The following DGKH variants were observed in gnomAD, a reference collection of about 807,000 sequenced individuals.
The protein encoded by DGKH is diacylglycerol kinase eta, also known as DAG kinase eta.
A neutral mutation model predicts 159.3 loss-of-function variants in DGKH; 90 were observed. The ratio of observed to expected loss-of-function variants is 0.57; its 90% CI spans 0.48 to 0.67. The LOEUF (loss-of-function observed/expected upper bound fraction) is 0.67. Ranked by LOEUF, DGKH falls within the 30% of genes least tolerant of loss-of-function variation. The probability of loss-of-function intolerance (pLI) is 0.00; values close to 1 mark genes in which losing one functional copy is unlikely to be tolerated. For synonymous variants in DGKH, 536 were observed against 553.8 expected, an observed-to-expected ratio of 0.97 and a Z score of 0.45; for missense variants, 1,181 against 1,506.1, an observed-to-expected ratio of 0.78 and a Z score of 3.57.
intron 29 of DGKH, among the ~76,000 whole-genome samples, chr13:42,250,397 C>T (rs964486375): frequency 9.9e-5 from 15 of 152,220 alleles, no homozygotes; most frequent in Admixed American, 9.2e-4. Flanking sequence ...TTAACATGTC[C>T]ATCACCTCGA....
intron 1 of DGKH, among the ~76,000 whole-genome samples, chr13:42,054,575 G>T (rs1475670710): frequency 6.6e-6 from 1 of 152,188 alleles, no homozygotes; most frequent in African/African-American, 2.4e-5. Flanking sequence ...GAGAATGGAG[G>T]TTACTAAGAA....
chr13:42,112,826 C>T (rs1354225445), intron 1 of DGKH, among the ~76,000 whole-genome samples: 4 of 152,172 alleles, frequency 2.6e-5, no homozygotes, highest in African/African-American at 9.7e-5. Flanking sequence ...GCGAGGTCAG[C>T]GAGACAGTGC....
rs770041771 is a variant in DGKH at position 42,168,717 on chromosome 13, C to T, written c.1266C>T (p.Asp422=). The T allele has an allele frequency of 9.9e-6, 16 of 1,614,024 alleles. No individual in the cohort carries two copies. The East Asian group carries it at 3.3e-4, about 34-fold the overall frequency. ...TGTTGCCTTTGGGTACAGGAAATGA[C>T]CTTGCCCGAGTTCTTGGCTGGGGAG... ...LGVLPLGTGN[D]LARVLGWGGS... Residue 422 remains aspartate (D), a synonymous_variant, in exon 11 of 30, where the codon GAC becomes GAT. Coordinates refer to ENST00000337343, the MANE Select transcript of DGKH (RefSeq NM_178009.5).
rs745446873 is a variant in DGKH at position 42,155,333 on chromosome 13, A to C, written c.427A>C (p.Arg143=). The change falls in exon 4 of 30, where the codon AGA becomes CGA. Residue 143 remains arginine (R), a synonymous_variant. Transcript: ENST00000337343. The stretch of plus-strand genomic sequence containing the variant: ...AAGGCTAATGCTGTGTGCTGAGAAC[A>C]GAAAGGAGATGGAGGATTGGATCAG... ...FRRLMLCAEN[R]KEMEDWISSL... 3.1e-6 allele frequency: 5 copies of C among 1,612,718 alleles called. No homozygotes were observed. In the African/African-American group the frequency reaches 6.7e-5, roughly 22 times the overall value.
At chr13:42,078,909 CTTTTTTTTTTTT>C (rs55801562) in intron 1 of DGKH, among the ~76,000 whole-genome samples, 3 of 93,574 alleles carry the variant, frequency 3.2e-5, no homozygotes, top group Admixed American at 1.3e-4. Flanking sequence ...GTATATTCTC[CTTTTTTTTTTTT>C]TTTTTTTTTT....
intron 2 of DGKH, among the ~76,000 whole-genome samples, chr13:42,128,775 G>C (rs1198073559): frequency 6.6e-6 from 1 of 152,138 alleles, no homozygotes; most frequent in Non-Finnish European, 1.5e-5. Flanking sequence ...CTAGACTGTA[G>C]GTTCCTTCCA....
chr13:42,098,196 G>A (rs1045099750), intron 1 of DGKH, among the ~76,000 whole-genome samples: 1 of 152,094 alleles, frequency 6.6e-6, no homozygotes. Flanking sequence ...ATTATAAATT[G>A]AAAATTAGGC....
At chr13:42,127,224 A>G (rs940599626) in intron 1 of DGKH, among the ~76,000 whole-genome samples, 4 of 152,190 alleles carry the variant, frequency 2.6e-5, no homozygotes, top group African/African-American at 9.7e-5. Context: ...GTGTATGTGC[A>G]TGTGTCTTGC....
At chr13:42,149,498 T>A (rs1173113924) in intron 3 of DGKH, among the ~76,000 whole-genome samples, 1 of 152,236 alleles carries the variant, frequency 6.6e-6, no homozygotes, top group Non-Finnish European at 1.5e-5. Context: ...TTCATTTCTG[T>A]TTCCTGGAGG....
chr13:42,147,914 T>G (rs928707833), intron 3 of DGKH, among the ~76,000 whole-genome samples: 1 of 152,210 alleles, frequency 6.6e-6, no homozygotes, highest in Admixed American at 6.5e-5. Context: ...TTATTATTAC[T>G]AGCCAGCACT....
intron 1 of DGKH, among the ~76,000 whole-genome samples, chr13:42,095,445 G>A (rs1954508150): frequency 6.6e-6 from 1 of 152,136 alleles, no homozygotes; most frequent in African/African-American, 2.4e-5. Context: ...TTATAGGCAT[G>A]AGCCACTGCA....
chr13:42,183,833 A>G (rs1458994723), intron 13 of DGKH, among the ~76,000 whole-genome samples: 1 of 152,240 alleles, frequency 6.6e-6, no homozygotes, highest in Non-Finnish European at 1.5e-5. Context: ...GCTACAATGT[A>G]TGTCTCTCCT....
intron 29 of DGKH, among the ~76,000 whole-genome samples, chr13:42,251,100 T>G (rs1958616893): frequency 6.6e-6 from 1 of 152,120 alleles, no homozygotes; most frequent in Non-Finnish European, 1.5e-5. Context: ...AAGAATAAAA[T>G]GGGTAAAAAT....
chr13:42,251,807 C>T (rs184740634), intron 29 of DGKH, among the ~76,000 whole-genome samples: 29 of 152,280 alleles, frequency 1.9e-4, no homozygotes, highest in African/African-American at 5.5e-4. Context: ...ATCTCTATTC[C>T]CATTACAGCG....
At chr13:42,061,116 T>A (rs1882129966) in intron 1 of DGKH, among the ~76,000 whole-genome samples, 1 of 152,126 alleles carries the variant, frequency 6.6e-6, no homozygotes, top group South Asian at 2.1e-4. Flanking sequence ...AGTTTTATAG[T>A]CCCGTTTGAG....
chr13:42,246,138 T>A (rs1958578253), downstream of DGKH, among the ~76,000 whole-genome samples: 1 of 152,174 alleles, frequency 6.6e-6, no homozygotes. Flanking sequence ...AACCCCATCT[T>A]TCCTGTCCTA....
chr13:42,152,436 T>TATATATATA lies in DGKH; in HGVS notation c.385-2854_385-2846dup. Among the ~76,000 whole-genome samples, 3 of 148,444 alleles carry TATATATATA rather than the reference T, an allele frequency of 2.0e-5. No homozygotes were observed. In the East Asian group the frequency reaches 5.8e-4, roughly 29 times the overall value. The stretch of plus-strand genomic sequence containing the variant: ...TTGAACATATGATTATATATGTGTA[T>TATATATATA]ATATATATATACATACACACACATA... On this transcript the variant is annotated intron_variant, in intron 3 of 29. Transcript: ENST00000337343.
intron 29 of DGKH, among the ~76,000 whole-genome samples, chr13:42,221,698 C>T (rs1305991643): frequency 6.6e-6 from 1 of 152,168 alleles, no homozygotes; most frequent in Non-Finnish European, 1.5e-5. Flanking sequence ...TTTCCATCAG[C>T]TCATTTTATT....
intron 1 of DGKH, among the ~76,000 whole-genome samples, chr13:42,079,763 A>G (rs1751226127): frequency 6.6e-6 from 1 of 152,190 alleles, no homozygotes; most frequent in Non-Finnish European, 1.5e-5. Flanking sequence ...ATTTGAATGC[A>G]TTCAGCACTC....
Sources: allele counts gnomAD v4.1 joint callset (sites outside exome capture counted in the v4.1 genomes callset), GRCh38; gene constraint gnomAD v4.1.1; transcripts MANE v1.5; gene names NCBI Gene and HGNC (gene_info 2026-07-23, HGNC 2026-07-21).